The following SLC60A2 variants were observed in gnomAD, a reference collection of about 807,000 sequenced individuals.
SLC60A2 encodes the protein major facilitator superfamily domain containing 4B.
chr6:111,266,882 G>T, the SLC60A2 span: 1 of 1,613,964 alleles, frequency 6.2e-7, no homozygotes, highest in African/African-American at 1.3e-5. Flanking sequence ...ATGAGGAAGA[G>T]AATGAAGAGG....
chr6:111,274,624 T>G, the SLC60A2 span, among the ~76,000 whole-genome samples: 1 of 152,210 alleles, frequency 6.6e-6, no homozygotes, highest in Non-Finnish European at 1.5e-5. Context: ...CACTGTGATT[T>G]TGTGATTTTC....
chr6:111,279,396 C>T, the SLC60A2 span, among the ~76,000 whole-genome samples: 4 of 152,002 alleles, frequency 2.6e-5, no homozygotes, highest in African/African-American at 9.7e-5. Context: ...CTACAGGCGC[C>T]CACCACTGTG....
At chr6:111,265,904 G>A in the SLC60A2 span, 4 of 1,611,334 alleles carry the variant, frequency 2.5e-6, no homozygotes, top group South Asian at 1.1e-5. Context: ...TGGCTATTTG[G>A]GGGGACAAAG....
the SLC60A2 span, chr6:111,265,544 A>T: frequency 1.7e-5 from 3 of 175,632 alleles, no homozygotes; most frequent in Non-Finnish European, 1.1e-5. Flanking sequence ...TATTTAAAAT[A>T]TTAATATATA....
chr6:111,274,968 C>G, the SLC60A2 span, among the ~76,000 whole-genome samples: 1 of 152,038 alleles, frequency 6.6e-6, no homozygotes, highest in Non-Finnish European at 1.5e-5. Flanking sequence ...TATTGCCCAT[C>G]ATGGAGTGCA....
the SLC60A2 span, chr6:111,265,129 C>A: frequency 4.1e-6 from 1 of 242,088 alleles, no homozygotes; most frequent in Non-Finnish European, 6.7e-6. Flanking sequence ...CTGTTTACTC[C>A]TAAAACCAGC....
the SLC60A2 span, among the ~76,000 whole-genome samples, chr6:111,273,177 G>T: frequency 1.3e-5 from 2 of 151,828 alleles, no homozygotes; most frequent in South Asian, 2.1e-4. Flanking sequence ...TTGAGTTAGG[G>T]TCTTGCTCTG....
chr6:111,259,580 T>C, the SLC60A2 span: 1 of 1,119,714 alleles, frequency 8.9e-7, no homozygotes, highest in Non-Finnish European at 1.2e-6. Flanking sequence ...GGCCCCCGGC[T>C]GCGGGGCAGC....
At chr6:111,273,382 C>T in the SLC60A2 span, among the ~76,000 whole-genome samples, 81 of 152,120 alleles carry the variant, frequency 5.3e-4, no homozygotes, top group East Asian at 0.015. Flanking sequence ...TGGCCTCAGG[C>T]GATCCTCCCG....
the SLC60A2 span, among the ~76,000 whole-genome samples, chr6:111,265,001 G>T: frequency 6.6e-6 from 1 of 152,120 alleles, no homozygotes; most frequent in African/African-American, 2.4e-5. Flanking sequence ...GCTGAGGCTG[G>T]AGAATTGCTT....
chr6:111,270,940 A>T, the SLC60A2 span: 1 of 152,174 alleles, frequency 6.6e-6, no homozygotes, highest in Non-Finnish European at 1.5e-5. Flanking sequence ...GGGATGGAAT[A>T]TGCCCCATTA....
chr6:111,269,562 C>T, the SLC60A2 span: 3 of 152,186 alleles, frequency 2.0e-5, no homozygotes, highest in Non-Finnish European at 4.4e-5. Context: ...TTCTGCTTCA[C>T]TTACTGCCTT....
the SLC60A2 span, chr6:111,259,467 C>T: frequency 2.2e-6 from 1 of 460,062 alleles, no homozygotes; most frequent in African/African-American, 2.0e-5. Context: ...GGGGCCAGTG[C>T]TCTTCTCGGA....
chr6:111,262,939 C>CTT, the SLC60A2 span, among the ~76,000 whole-genome samples: 1 of 146,422 alleles, frequency 6.8e-6, no homozygotes, highest in Non-Finnish European at 1.5e-5. Context: ...GGCAAAGCTG[C>CTT]TTTTTTTTTT....
the SLC60A2 span, among the ~76,000 whole-genome samples, chr6:111,271,462 G>T: frequency 6.6e-6 from 1 of 151,896 alleles, no homozygotes; most frequent in Non-Finnish European, 1.5e-5. Context: ...AGGGTAAAAG[G>T]AAAGAAAAAT....
At chr6:111,267,009 T>TATA in the SLC60A2 span, 6 of 1,614,236 alleles carry the variant, frequency 3.7e-6, no homozygotes, top group East Asian at 1.3e-4. Flanking sequence ...AGCTGAAGTC[T>TATA]ATAATCAATA....
chr6:111,272,308 G>T, the SLC60A2 span, among the ~76,000 whole-genome samples: 1 of 151,918 alleles, frequency 6.6e-6, no homozygotes. Context: ...CAGCCCACCT[G>T]TGATATTTTG....
chr6:111,262,492 A>T, the SLC60A2 span: 20 of 1,443,810 alleles, frequency 1.4e-5, no homozygotes, highest in Non-Finnish European at 1.9e-5. Flanking sequence ...CTTTGAAAAT[A>T]TGAAAATACT....
At chr6:111,266,054 A>G in the SLC60A2 span, 27 of 1,614,124 alleles carry the variant, frequency 1.7e-5, no homozygotes, top group East Asian at 1.1e-4. Flanking sequence ...CACTCAACCA[A>G]TCATCTGATG....
Sources: gnomAD v4.1 joint callset for allele counts (sites outside exome capture counted in the v4.1 genomes callset) on GRCh38, gnomAD v4.1.1 for gene constraint, MANE v1.5 for transcripts, NCBI Gene and HGNC (gene_info 2026-07-23, HGNC 2026-07-21) for gene names.